Variants in CHEK1 observed in about 807,000 individuals in gnomAD.
The protein encoded by CHEK1 is serine/threonine-protein kinase Chk1.
CHEK1 carries 32 observed loss-of-function variants against 60.2 expected under a neutral mutation model. That is an observed-to-expected ratio of 0.53 (90% CI 0.40 to 0.71). The LOEUF (loss-of-function observed/expected upper bound fraction) is 0.71. Among genes scored for constraint, CHEK1 ranks in the 30% least tolerant of loss-of-function variants. The probability of loss-of-function intolerance (pLI) is 0.00; values close to 1 mark genes in which losing one functional copy is unlikely to be tolerated. For missense variants in CHEK1, 399 were observed against 564.6 expected (o/e 0.71, Z 2.97); for synonymous variants, 179 against 187.2 (o/e 0.96, Z 0.36).
chr11:125,636,405 A>C (rs77344440), intron 7 of CHEK1, among the ~76,000 whole-genome samples: 11,518 of 152,162 alleles, frequency 0.076, 513 homozygotes, highest in African/African-American at 0.12. Context: ...TACAAAAGAG[A>C]TATAAGTATC....
Position 125,644,558 on chromosome 11 carries a change from A to C in CHEK1, c.1148A>C (p.Lys383Thr). Residue 383 changes from lysine (K) to threonine (T), a missense_variant, in exon 11 of 13, where the codon AAA becomes ACA. By Grantham distance (78) the Lys-to-Thr change is moderately conservative. This residue lies in a region of CHEK1 where 370 missense variants were observed against 494.8 expected (regional missense o/e 0.75). Coordinates refer to ENST00000438015, the MANE Select transcript of CHEK1 (RefSeq NM_001114122.3). ...LVKRMTRFFT[K>T]LDADKSYQCL... Reference sequence around the variant, plus strand: ...AAAAGAATGACACGATTCTTTACCAAATTGGATGCAGACAAATCTTATCAA... The same window carrying C: ...AAAAGAATGACACGATTCTTTACCACATTGGATGCAGACAAATCTTATCAA... 6.2e-7 allele frequency: 1 copy of C among 1,614,128 alleles called. No homozygotes were observed. The highest frequency in any genetic ancestry group is 8.5e-7 in the Non-Finnish European group (1 of 1,180,032).
intron 1 of CHEK1, 48 bp from the exon 2 acceptor site, chr11:125,626,701 C>T: frequency 1.3e-6 from 2 of 1,577,078 alleles, no homozygotes; most frequent in South Asian, 2.2e-5. Flanking sequence ...AGTGGCTTCA[C>T]TGGTGATCTT....
downstream of CHEK1, chr11:125,657,286 A>C (rs574572892): frequency 6.8e-6 from 1 of 146,560 alleles, no homozygotes; most frequent in African/African-American, 2.6e-5. Context: ...TGTGTGTTTA[A>C]TGTGTACAGT....
chr11:125,649,577 A>T (rs183022368), intron 11 of CHEK1, among the ~76,000 whole-genome samples: 2 of 152,182 alleles, frequency 1.3e-5, no homozygotes, highest in Non-Finnish European at 2.9e-5. Context: ...TATTTTAAAA[A>T]TTAGTTGGGC....
intron 11 of CHEK1, among the ~76,000 whole-genome samples, chr11:125,651,782 T>A (rs950236774): frequency 5.9e-5 from 9 of 152,226 alleles, no homozygotes; most frequent in Non-Finnish European, 1.0e-4. Flanking sequence ...CTTACTGCGT[T>A]TCACTTGTTT....
At chr11:125,678,862 G>A (rs1486711411), downstream of CHEK1, among the ~76,000 whole-genome samples, 1 of 150,980 alleles carries the variant, frequency 6.6e-6, no homozygotes, top group Non-Finnish European at 1.5e-5. Context: ...TAAGCCGCCT[G>A]TATTTGGTAA....
intron 13 of CHEK1, among the ~76,000 whole-genome samples, chr11:125,665,869 CTT>C (rs66560397): frequency 5.9e-3 from 181 of 30,534 alleles, no homozygotes; most frequent in African/African-American, 0.015. Context: ...CTTCATTCCC[CTT>C]TTTTTTTTTT....
rs1940759352 is a variant in CHEK1, at chr11:125,629,245, C to T, written c.303C>T (p.Gly101=). The T allele has an allele frequency of 6.2e-7, 1 of 1,613,960 alleles. No homozygotes were observed. The highest frequency in any genetic ancestry group is 1.3e-5 in the African/African-American group (1 of 74,940). Residue 101 remains glycine (G), a synonymous_variant, in exon 4 of 13, where the codon GGC becomes GGT. Coordinates refer to ENST00000438015, the MANE Select transcript of CHEK1 (RefSeq NM_001114122.3). ...ELFDRIEPDI[G]MPEPDAQRFF... is the part of the protein sequence containing the mutation. ...TATTTGTTTTAGAGCCAGACATAGG[C>T]ATGCCTGAACCAGATGCTCAGAGAT...
At chr11:125,639,517 C>T (rs548726685) in intron 8 of CHEK1, among the ~76,000 whole-genome samples, 1 of 150,386 alleles carries the variant, frequency 6.6e-6, no homozygotes, top group East Asian at 2.0e-4. Context: ...GCTGGGATTA[C>T]AGGTGTGAAC....
chr11:125,637,737 G>C (rs1362367884), intron 8 of CHEK1, among the ~76,000 whole-genome samples, 193 bp downstream of exon 8: 2 of 152,134 alleles, frequency 1.3e-5, no homozygotes, highest in Admixed American at 6.6e-5. Context: ...GGGTACTATA[G>C]CTAAGTGTTT....
At chr11:125,663,465 T>C (rs531053132) in intron 13 of CHEK1, among the ~76,000 whole-genome samples, 2 of 152,312 alleles carry the variant, frequency 1.3e-5, no homozygotes, top group African/African-American at 2.4e-5. Context: ...CTCCACTGAA[T>C]TGCTTTTTAA....
intron 11 of CHEK1, among the ~76,000 whole-genome samples, chr11:125,649,071 GGGTACTACA>G (rs758386354): frequency 6.6e-6 from 1 of 152,062 alleles, no homozygotes; most frequent in Non-Finnish European, 1.5e-5. Context: ...CCTGAGTAGT[GGGTACTACA>G]GGTGTGCACC....
At chr11:125,673,443 C>T (rs545489164) in intron 13 of CHEK1, among the ~76,000 whole-genome samples, 5 of 149,622 alleles carry the variant, frequency 3.3e-5, no homozygotes, top group East Asian at 3.9e-4. Flanking sequence ...CCTTGTGATC[C>T]GCCCACCTCA....
chr11:125,637,311 A>G (rs1565369326), intron 7 of CHEK1, 138 bp from the exon 8 acceptor site: 4 of 543,170 alleles, frequency 7.4e-6, no homozygotes, highest in Non-Finnish European at 1.2e-5. Flanking sequence ...GCAGTAATTT[A>G]GTAGCTTTAA....
rs1191363157 is a variant in CHEK1, at chr11:125,653,719, G to A, written c.1234-27G>A. On this transcript the variant is annotated intron_variant, in intron 11 of 12. Transcript: ENST00000438015. This position sits in a 1 kb window ranked among gnomAD's most constrained non-coding sequence, Gnocchi z 4.3. ...TAGTTTATTATCTACTCACCCATGT[G>A]GCTTAACCTTATTTTTGTTGCCTTA... is the stretch of plus-strand genomic sequence containing the variant. 2 of 1,188,510 alleles carry A rather than the reference G, an allele frequency of 1.7e-6. No individual in the cohort carries two copies. The highest frequency in any genetic ancestry group is 2.4e-5 in the East Asian group (1 of 41,698). The allele number at this position is 1,188,510 out of a possible 1,614,324, so 73.6% of individuals were successfully genotyped here.
intron 8 of CHEK1, among the ~76,000 whole-genome samples, chr11:125,640,607 T>A (rs1014722086): frequency 5.3e-5 from 8 of 151,902 alleles, no homozygotes; most frequent in African/African-American, 1.9e-4. Flanking sequence ...TCTCGCTCTG[T>A]CGCCCAGACT....
At chr11:125,650,247 A>G (rs3731469) in intron 11 of CHEK1, among the ~76,000 whole-genome samples, 5,809 of 149,310 alleles carry the variant, frequency 0.039, 132 homozygotes, top group Non-Finnish European at 0.047. Flanking sequence ...ATTTTTCTTT[A>G]TTCTTCTTTC....
chr11:125,677,992 A>T, downstream of CHEK1: 1 of 1,613,534 alleles, frequency 6.2e-7, no homozygotes, highest in Non-Finnish European at 8.5e-7. Context: ...TGTTCACCTG[A>T]AGGCTGTTCT....
chr11:125,671,578 T>C (rs993611590), intron 13 of CHEK1: 7 of 152,192 alleles, frequency 4.6e-5, no homozygotes, highest in Non-Finnish European at 1.0e-4. Flanking sequence ...ATTGACTTCT[T>C]GTTGTACTGT....
Sources: allele counts gnomAD v4.1 joint callset (sites outside exome capture counted in the v4.1 genomes callset), GRCh38; gene constraint gnomAD v4.1.1; regional missense constraint gnomAD v4.1.1; non-coding constraint Gnocchi (gnomAD v3.1); transcripts MANE v1.5; gene names NCBI Gene and HGNC (gene_info 2026-07-23, HGNC 2026-07-21).